Variants in SOX5 observed in about 807,000 individuals in gnomAD.
The protein encoded by SOX5 is transcription factor SOX-5.
Under a neutral mutation model 92.0 loss-of-function variants are expected in SOX5, and 9 were observed. The ratio of observed to expected loss-of-function variants is 0.10; its 90% CI spans 0.06 to 0.17. The LOEUF (loss-of-function observed/expected upper bound fraction) is 0.17, where lower values mean the gene tolerates loss of function less well. SOX5 is among the 10% of genes least tolerant of loss of function. The pLI is 1.00. For missense variants in SOX5, 642 were observed against 944.5 expected, an observed-to-expected ratio of 0.68 and a Z score of 4.20; for synonymous variants, 344 against 336.3, an observed-to-expected ratio of 1.02 and a Z score of -0.25.
intron 3 of SOX5, among the ~76,000 whole-genome samples, chr12:24,232,669 G>T (rs952100072): frequency 6.6e-6 from 1 of 152,164 alleles, no homozygotes; most frequent in African/African-American, 2.4e-5. Flanking sequence ...CTATTGGTTA[G>T]ATATCTTGGC....
chr12:23,962,145 A>G (rs1252680522), intron 4 of SOX5, among the ~76,000 whole-genome samples: 1 of 152,198 alleles, frequency 6.6e-6, no homozygotes, highest in Non-Finnish European at 1.5e-5. Context: ...AGTATAAAAG[A>G]CTGTGTGAGA....
chr12:23,975,626 C>T (rs1024525035), intron 4 of SOX5, among the ~76,000 whole-genome samples: 3 of 152,194 alleles, frequency 2.0e-5, no homozygotes, highest in Admixed American at 1.3e-4. Context: ...TCTGGGATTA[C>T]ATCCTGTCTC....
intron 1 of SOX5, among the ~76,000 whole-genome samples, chr12:24,404,435 T>C (rs1962459346): frequency 6.6e-6 from 1 of 152,158 alleles, no homozygotes; most frequent in African/African-American, 2.4e-5. Flanking sequence ...TAGCCAATGG[T>C]ATGATGGTGA....
intron 4 of SOX5, among the ~76,000 whole-genome samples, chr12:24,170,219 A>G (rs1953923087): frequency 6.6e-6 from 1 of 152,218 alleles, no homozygotes; most frequent in Admixed American, 6.5e-5. Context: ...CTCCTCTGCC[A>G]TCCGCAAAAT....
intron 1 of SOX5, among the ~76,000 whole-genome samples, chr12:23,902,998 C>T (rs540901005): frequency 4.6e-5 from 7 of 152,048 alleles, no homozygotes; most frequent in Admixed American, 2.6e-4. Context: ...TAAGATATGA[C>T]GACCCTTCTG....
chr12:24,051,060 A>G (rs781320320), intron 4 of SOX5, among the ~76,000 whole-genome samples: 15 of 152,150 alleles, frequency 9.9e-5, no homozygotes, highest in Non-Finnish European at 2.1e-4. Context: ...CACCCAAACT[A>G]TAATGTTCTT....
chr12:24,388,639 C>G (rs1264553029), intron 1 of SOX5, among the ~76,000 whole-genome samples: 1 of 152,092 alleles, frequency 6.6e-6, no homozygotes, highest in African/African-American at 2.4e-5. Context: ...ACAATTCACC[C>G]ATTCAAAGCA....
intron 1 of SOX5, among the ~76,000 whole-genome samples, chr12:24,558,324 C>G (rs1358752335): frequency 6.6e-6 from 1 of 152,108 alleles, no homozygotes; most frequent in Non-Finnish European, 1.5e-5. Context: ...TCAAAAGTCC[C>G]GTGTAGGCAG....
intron 3 of SOX5, among the ~76,000 whole-genome samples, chr12:24,232,897 C>T (rs1019206055): frequency 6.6e-6 from 1 of 152,196 alleles, no homozygotes; most frequent in Non-Finnish European, 1.5e-5. Flanking sequence ...GCTATGCCCA[C>T]CCTTCCACAT....
chr12:24,045,721 A>C (rs7962638), intron 4 of SOX5, among the ~76,000 whole-genome samples: 55,196 of 152,132 alleles, frequency 0.36, 11,420 homozygotes, highest in East Asian at 0.68. Context: ...ATTATGCAGA[A>C]ACCAGTATGT....
At chr12:24,469,718 G>A (rs1256471323) in intron 1 of SOX5, among the ~76,000 whole-genome samples, 2 of 152,122 alleles carry the variant, frequency 1.3e-5, no homozygotes, top group Non-Finnish European at 2.9e-5. Flanking sequence ...CACTTTGTGG[G>A]TGCTCGAAAA....
chr12:24,489,931 C>T (rs1946883213), intron 1 of SOX5, among the ~76,000 whole-genome samples: 1 of 152,226 alleles, frequency 6.6e-6, no homozygotes, highest in African/African-American at 2.4e-5. Flanking sequence ...GCACCCAAAA[C>T]ATTGTCTAAC....
At chr12:23,547,066 A>C (rs1373915182) in intron 11 of SOX5, among the ~76,000 whole-genome samples, 1 of 152,162 alleles carries the variant, frequency 6.6e-6, no homozygotes, top group Non-Finnish European at 1.5e-5. Flanking sequence ...AATATACCAA[A>C]ATTAGATCTA....
chr12:24,529,329 G>A (rs1182532713), intron 1 of SOX5, among the ~76,000 whole-genome samples: 2 of 152,174 alleles, frequency 1.3e-5, no homozygotes, highest in African/African-American at 2.4e-5. Context: ...CTGTTTTTCA[G>A]AGAAGTGAGT....
At chr12:23,572,691 A>G (rs1948557735) in intron 10 of SOX5, among the ~76,000 whole-genome samples, 1 of 152,184 alleles carries the variant, frequency 6.6e-6, no homozygotes, top group Non-Finnish European at 1.5e-5. Context: ...ATAAGCCTAC[A>G]TGTATATTAT....
At chr12:23,861,872 T>C (rs1218226548) in intron 2 of SOX5, among the ~76,000 whole-genome samples, 2 of 152,082 alleles carry the variant, frequency 1.3e-5, no homozygotes, top group African/African-American at 4.8e-5. Context: ...ACGGGAAAAA[T>C]AATTAAAAAG....
intron 4 of SOX5, among the ~76,000 whole-genome samples, chr12:23,988,838 G>A (rs532746709): frequency 5.9e-5 from 9 of 152,258 alleles, no homozygotes; most frequent in Admixed American, 4.6e-4. Flanking sequence ...CTAAGTCACC[G>A]AGGTACAAGT....
chr12:23,797,798 C>A (rs771724668), intron 3 of SOX5, among the ~76,000 whole-genome samples: 16 of 152,050 alleles, frequency 1.1e-4, no homozygotes, highest in Admixed American at 7.2e-4. Context: ...TATGCGCTAG[C>A]CTTCGATACT....
At chr12:23,538,233 T>C (rs562083824) in intron 13 of SOX5, among the ~76,000 whole-genome samples, 21 of 152,316 alleles carry the variant, frequency 1.4e-4, no homozygotes, top group Admixed American at 1.2e-3. Context: ...GGCTGTTACA[T>C]TTATTAAAGC....
Sources: gnomAD v4.1 joint callset for allele counts (sites outside exome capture counted in the v4.1 genomes callset) on GRCh38, gnomAD v4.1.1 for gene constraint, MANE v1.5 for transcripts, NCBI Gene and HGNC (gene_info 2026-07-23, HGNC 2026-07-21) for gene names.